Variants in NEXMIF observed in about 807,000 individuals in gnomAD.
The protein encoded by NEXMIF is XLMR protein related to neurite extension.
Under a neutral mutation model 62.1 loss-of-function variants are expected in NEXMIF, and 8 were observed. That is an observed-to-expected ratio of 0.13 (90% CI 0.08 to 0.23). NEXMIF has a LOEUF of 0.23. Among genes scored for constraint, NEXMIF ranks in the 10% least tolerant of loss-of-function variants. The pLI is 1.00. For missense variants in NEXMIF, 976 were observed against 1,113.3 expected (o/e 0.88, Z 1.75); for synonymous variants, 404 against 416.6 (o/e 0.97, Z 0.37).
Position 74,917,980 on chromosome X carries a change from TA to T in NEXMIF, c.-48+6902del, listed in dbSNP as rs754270712. Among the ~76,000 whole-genome samples the T allele has an allele frequency of 5.5e-4, 61 of 111,163 alleles. 3 individuals carry two copies. The East Asian group carries it at 7.9e-3, about 14-fold the overall frequency. On this transcript the variant is annotated intron_variant, in intron 1 of 3. Transcript: ENST00000055682. ...AGTGCTAAGTGGCTCTTCTTCATAA[TA>T]AAAAAATGTCTGTGAAGGCTAATCA...
At chrX:74,799,290 A>G (rs2080321914) in intron 1 of NEXMIF, among the ~76,000 whole-genome samples, 1 of 111,669 alleles carries the variant, frequency 9.0e-6, no homozygotes, top group Admixed American at 9.5e-5. Context: ...AAAGGCCTCA[A>G]TAAAGACCTG....
chrX:74,841,127 C>T (rs2080472586), intron 1 of NEXMIF, among the ~76,000 whole-genome samples: 1 of 111,096 alleles, frequency 9.0e-6, no homozygotes, highest in South Asian at 3.8e-4. Context: ...GATGTTTTTC[C>T]CTTTATTTGT....
chrX:74,888,558 G>T (rs1435275179), intron 1 of NEXMIF, among the ~76,000 whole-genome samples: 1 of 110,360 alleles, frequency 9.1e-6, no homozygotes, highest in African/African-American at 3.3e-5. Flanking sequence ...GAGGGGCTAG[G>T]GGAGGGATAG....
chrX:74,904,175 A>T (rs2080758784), intron 1 of NEXMIF, among the ~76,000 whole-genome samples: 1 of 110,547 alleles, frequency 9.0e-6, no homozygotes, highest in South Asian at 3.9e-4. Context: ...AGTGGAGGGG[A>T]GTATATTAGA....
At chrX:74,917,665 T>C (rs1435511829) in intron 1 of NEXMIF, among the ~76,000 whole-genome samples, 1 of 111,741 alleles carries the variant, frequency 8.9e-6, no homozygotes, top group Non-Finnish European at 1.9e-5. Context: ...TCTCCCTCTC[T>C]GACTCCATCA....
At chrX:74,887,341 A>C (rs1229186889) in intron 1 of NEXMIF, among the ~76,000 whole-genome samples, 1 of 111,281 alleles carries the variant, frequency 9.0e-6, no homozygotes, top group Non-Finnish European at 1.9e-5. Flanking sequence ...AGCAAAAGAA[A>C]CCACCATCAG....
chrX:74,818,338 T>C (rs1315837551), intron 1 of NEXMIF, among the ~76,000 whole-genome samples: 2 of 111,255 alleles, frequency 1.8e-5, no homozygotes, highest in African/African-American at 6.5e-5. Context: ...AACCATCTGA[T>C]CTTCAACAGT....
intron 1 of NEXMIF, among the ~76,000 whole-genome samples, chrX:74,798,003 A>G (rs2080317549): frequency 1.8e-5 from 2 of 112,310 alleles, no homozygotes; most frequent in Admixed American, 1.9e-4. Context: ...ACAGAAAGTG[A>G]ACAAAAACTT....
At chrX:74,873,416 G>A (rs1488889823) in intron 1 of NEXMIF, among the ~76,000 whole-genome samples, 2 of 111,898 alleles carry the variant, frequency 1.8e-5, no homozygotes, top group African/African-American at 3.2e-5. Flanking sequence ...TTGGTTCCAA[G>A]TCTTTGCTAT....
chrX:74,920,434 G>A (rs1323705768), intron 1 of NEXMIF, among the ~76,000 whole-genome samples: 1 of 111,982 alleles, frequency 8.9e-6, no homozygotes, highest in African/African-American at 3.3e-5. Flanking sequence ...CTTTTGAGAA[G>A]TGTCTGTTCA....
intron 1 of NEXMIF, among the ~76,000 whole-genome samples, chrX:74,810,119 G>C (rs1247069385): frequency 8.9e-6 from 1 of 112,033 alleles, no homozygotes; most frequent in African/African-American, 3.2e-5. Flanking sequence ...ATTATAAATG[G>C]AATCATCCTT....
intron 1 of NEXMIF, among the ~76,000 whole-genome samples, chrX:74,872,610 C>T (rs1019031843): frequency 2.8e-5 from 3 of 108,725 alleles, no homozygotes; most frequent in Non-Finnish European, 3.8e-5. Flanking sequence ...TTATGTTTTA[C>T]TACAGTCACA....
chrX:74,819,780 G>C (rs773794130), intron 1 of NEXMIF, among the ~76,000 whole-genome samples: 2 of 111,798 alleles, frequency 1.8e-5, no homozygotes, highest in African/African-American at 6.5e-5. Context: ...ACAGTGTAGC[G>C]ATCCCTCAAG....
At chrX:74,893,970 A>T (rs1371627802) in intron 1 of NEXMIF, among the ~76,000 whole-genome samples, 1 of 111,512 alleles carries the variant, frequency 9.0e-6, no homozygotes, top group East Asian at 2.8e-4. Flanking sequence ...AATTAAGCAA[A>T]ATAGACAAAC....
intron 1 of NEXMIF, among the ~76,000 whole-genome samples, chrX:74,890,335 A>C (rs1477179742): frequency 9.0e-6 from 1 of 111,159 alleles, no homozygotes. Flanking sequence ...CTTTATTTTG[A>C]GGAAAAATCA....
chrX:74,802,351 G>T (rs1232283613), intron 1 of NEXMIF, among the ~76,000 whole-genome samples: 1 of 111,396 alleles, frequency 9.0e-6, no homozygotes, highest in Non-Finnish European at 1.9e-5. Context: ...GCTCCAGGTG[G>T]CTCAGAACAG....
rs201011014 is a variant in NEXMIF at position 74,821,102 on chromosome X, GA to G, written c.-47-75406del. On this transcript the variant is annotated intron_variant, in intron 1 of 3. Transcript: ENST00000055682. Reference sequence around the variant, plus strand: ...ACTATGTTGTCCAGGCTGCTGTCCAGAAAAAAAAAATCTCTCATACTTTAGT... The same window carrying G: ...ACTATGTTGTCCAGGCTGCTGTCCAGAAAAAAAAATCTCTCATACTTTAGT... 1.8e-4 allele frequency among the ~76,000 whole-genome samples: 19 copies of G among 107,148 alleles called. 1 individual carries two copies. In the South Asian group the frequency reaches 4.9e-3, roughly 27 times the overall value. The allele number at this position is 107,148 out of a possible 115,157, so 93.0% of individuals were successfully genotyped here. A position where few individuals can be genotyped will look rare whatever the true frequency, so the allele number is the denominator to read the frequency against.
chrX:74,899,452 G>T (rs1368255276), intron 1 of NEXMIF, among the ~76,000 whole-genome samples: 4 of 111,069 alleles, frequency 3.6e-5, no homozygotes, highest in Non-Finnish European at 7.6e-5. Context: ...ACCCAAGAAA[G>T]AAATTAAGAA....
chrX:74,794,294 CA>C (rs1370613087), intron 1 of NEXMIF, among the ~76,000 whole-genome samples: 1 of 106,430 alleles, frequency 9.4e-6, no homozygotes, highest in Non-Finnish European at 1.9e-5. Context: ...GCTCGGGGGT[CA>C]GGGGTCAGGG....
Sources: allele counts gnomAD v4.1 joint callset (sites outside exome capture counted in the v4.1 genomes callset), GRCh38; gene constraint gnomAD v4.1.1; transcripts MANE v1.5; gene names NCBI Gene and HGNC (gene_info 2026-07-23, HGNC 2026-07-21).